ADAMTS14: variants seen among roughly 807,000 people sequenced by gnomAD.
The protein encoded by ADAMTS14 is ADAM metallopeptidase with thrombospondin type 1 motif 14.
ADAMTS14 carries 100 observed loss-of-function variants against 128.6 expected under a neutral mutation model. That is an observed-to-expected ratio of 0.78 (90% CI 0.66 to 0.92). The LOEUF (loss-of-function observed/expected upper bound fraction) is 0.92. ADAMTS14 is among the 40% of genes least tolerant of loss of function. The pLI is 0.00. For synonymous variants in ADAMTS14, 665 were observed against 653.8 expected, an observed-to-expected ratio of 1.02 and a Z score of -0.26; for missense variants, 1,562 against 1,658.6, an observed-to-expected ratio of 0.94 and a Z score of 1.01.
At chr10:70,734,424 C>A (rs1165628800) in intron 8 of ADAMTS14, among the ~76,000 whole-genome samples, 1 of 152,238 alleles carries the variant, frequency 6.6e-6, no homozygotes, top group Non-Finnish European at 1.5e-5. Context: ...CTCCTAACGA[C>A]CCCTTTGAGC....
intron 3 of ADAMTS14, among the ~76,000 whole-genome samples, chr10:70,703,376 G>C (rs901212824): frequency 6.6e-6 from 1 of 152,254 alleles, no homozygotes; most frequent in African/African-American, 2.4e-5. Context: ...CCTTGTGCCA[G>C]CTCCCTATGG....
At chr10:70,751,958 C>T (rs562757120) in intron 17 of ADAMTS14, 137 bp from the exon 18 acceptor site, 366 of 1,293,000 alleles carry the variant, frequency 2.8e-4, no homozygotes, top group Admixed American at 4.7e-4. Context: ...CAGAAAGTGA[C>T]GTGGGCAGGC....
At chr10:70,678,959 C>G (rs1268809686) in intron 2 of ADAMTS14, among the ~76,000 whole-genome samples, 1 of 152,084 alleles carries the variant, frequency 6.6e-6, no homozygotes, top group Non-Finnish European at 1.5e-5. Flanking sequence ...TACTTCCCAC[C>G]CACTGTTATG....
At position 70,753,792 on chromosome 10, in the gene ADAMTS14, G is replaced by A. The variant is rs747851446; in HGVS notation, c.2730-8G>A. On this transcript the variant is annotated splice_region_variant and splice_polypyrimidine_tract_variant and intron_variant, in intron 18 of 21. Coordinates refer to ENST00000373207, the MANE Select transcript of ADAMTS14 (RefSeq NM_080722.4). ...GTCTCACCTCCTCTCCTTTCACCCT[G>A]TTTCCAGGTGGGTGACGGAGGAGTG... The A allele has an allele frequency of 6.4e-7, 1 of 1,562,438 alleles. No individual in the cohort carries two copies. The highest frequency in any genetic ancestry group is 8.7e-7 in the Non-Finnish European group (1 of 1,151,812).
At chr10:70,716,591 C>A (rs1358912818) in intron 4 of ADAMTS14, among the ~76,000 whole-genome samples, 1 of 152,192 alleles carries the variant, frequency 6.6e-6, no homozygotes, top group Non-Finnish European at 1.5e-5. Context: ...GGCTGGGATG[C>A]TTGACGCTCG....
At chr10:70,680,040 G>C (rs1243238916) in intron 2 of ADAMTS14, among the ~76,000 whole-genome samples, 2 of 152,192 alleles carry the variant, frequency 1.3e-5, no homozygotes, top group Non-Finnish European at 2.9e-5. Context: ...ACAATTCTGA[G>C]AATATACTAA....
rs944984144 is a variant in ADAMTS14 at position 70,753,941 on chromosome 10, T to C, written c.2871T>C (p.Pro957=). 4 of 1,587,138 alleles carry C rather than the reference T, an allele frequency of 2.5e-6. No individual in the cohort carries two copies. The highest frequency in any genetic ancestry group is 3.6e-5 in the Admixed American group (2 of 56,060). Residue 957 remains proline, a synonymous_variant, in exon 19 of 22, where the codon CCT becomes CCC. Coordinates refer to ENST00000373207, the MANE Select transcript of ADAMTS14 (RefSeq NM_080722.4). ...CCAAAGCCTGCGCCGGGGACCGGCC[T>C]GAGGCCCGACGGCCCTGTCTCCGAG... ...MPAKACAGDR[P]EARRPCLRVP...
intron 21 of ADAMTS14, among the ~76,000 whole-genome samples, chr10:70,759,454 G>A (rs1456497659): frequency 6.6e-6 from 1 of 152,140 alleles, no homozygotes; most frequent in Non-Finnish European, 1.5e-5. Flanking sequence ...AGAAAGGTGT[G>A]ATATTTTGGG....
rs556530433 is a variant in ADAMTS14 at position 70,718,053 on chromosome 10, G to T, written c.870+9275G>T. The stretch of plus-strand genomic sequence containing the variant: ...TGGCTGTCAGATCAGGGCCTTGGTG[G>T]CCTCAGCCTGGAAGGGTGGCATTTT... On this transcript the variant is annotated intron_variant, in intron 4 of 21. Transcript: ENST00000373207. 2.6e-5 allele frequency among the ~76,000 whole-genome samples: 4 copies of T among 152,352 alleles called. No homozygotes were observed. In the East Asian group the frequency reaches 5.8e-4, roughly 22 times the overall value.
rs574756324 is a variant in ADAMTS14 at position 70,741,208 on chromosome 10, G to T, written c.1924+46G>T. The T allele has an allele frequency of 3.8e-6, 6 of 1,593,354 alleles. No individual in the cohort carries two copies. In the Middle Eastern group the frequency reaches 7.4e-4, roughly 196 times the overall value. On this transcript the variant is annotated intron_variant, in intron 12 of 21. Coordinates refer to ENST00000373207, the MANE Select transcript of ADAMTS14 (RefSeq NM_080722.4). Reference sequence around the variant, plus strand: ...TCCCACTCCATGTCCTTAGGCATCTGCGGGGGCTGTGTGTGCCCAGGCAGG... The same window carrying T: ...TCCCACTCCATGTCCTTAGGCATCTTCGGGGGCTGTGTGTGCCCAGGCAGG...
At position 70,691,487 on chromosome 10, in the gene ADAMTS14, T is replaced by TAAAAA. The variant is rs11373533; in HGVS notation, c.523-10807_523-10803dup. Among the ~76,000 whole-genome samples the TAAAAA allele has an allele frequency of 1.0e-4, 9 of 86,696 alleles. No individual in the cohort carries two copies. In the East Asian group the frequency reaches 1.3e-3, roughly 12 times the overall value. 56.9% of individuals were successfully genotyped at this position (86,696 alleles called of 152,430 possible). On this transcript the variant is annotated intron_variant, in intron 2 of 21. Coordinates refer to ENST00000373207, the MANE Select transcript of ADAMTS14 (RefSeq NM_080722.4). Reference sequence around the variant, plus strand: ...GCCTGGGGACAGAGTGAGACCCTGTTAAAAAAAAAAAAAAAAAAAAAACAA... The same window carrying TAAAAA: ...GCCTGGGGACAGAGTGAGACCCTGTTAAAAAAAAAAAAAAAAAAAAAAAAAAACAA...
At chr10:70,751,318 C>T (rs892839263) in intron 16 of ADAMTS14, among the ~76,000 whole-genome samples, 160 bp from the exon 17 acceptor site, 1 of 152,124 alleles carries the variant, frequency 6.6e-6, no homozygotes, top group South Asian at 2.1e-4. Flanking sequence ...GGTCTGAATC[C>T]AACCCCCTAC....
chr10:70,739,047 G>C, intron 11 of ADAMTS14, 57 bp downstream of exon 11: 2 of 1,545,812 alleles, frequency 1.3e-6, no homozygotes. Flanking sequence ...GGGCGGAGGG[G>C]CTTGGAGGGG....
At chr10:70,752,031 G>A (rs1589340340) in intron 17 of ADAMTS14, 64 bp from the exon 18 acceptor site, 1 of 1,563,562 alleles carries the variant, frequency 6.4e-7, no homozygotes, top group East Asian at 2.2e-5. Flanking sequence ...CTGCCCCTGA[G>A]GCCCCACCAG....
chr10:70,708,996 C>T (rs1474797424), intron 4 of ADAMTS14, among the ~76,000 whole-genome samples: 2 of 152,204 alleles, frequency 1.3e-5, no homozygotes, highest in Non-Finnish European at 2.9e-5. Context: ...GACTTGCGTC[C>T]CAGGCTGTGG....
Position 70,752,123 on chromosome 10 carries a change from G to A in ADAMTS14, c.2625G>A (p.Arg875=), listed in dbSNP as rs1479840778. 2 of 1,613,190 alleles carry A rather than the reference G, an allele frequency of 1.2e-6. No homozygotes were observed. Among genetic ancestry groups the A allele is most frequent in the Admixed American group, 1.7e-5 (1 of 60,014 alleles). ...TCCAGTTCACCAAATACGGCTGCCG[G>A]CGCAGACGAGACCACCACATGGTGC... ...GGIQFTKYGC[R]RRRDHHMVQR... is the part of the protein sequence containing the mutation. The change falls in exon 18 of 22, where the codon CGG becomes CGA. Residue 875 remains arginine (R), a synonymous_variant. Coordinates refer to ENST00000373207, the MANE Select transcript of ADAMTS14 (RefSeq NM_080722.4).
chr10:70,695,305 C>T (rs991990389), intron 2 of ADAMTS14, among the ~76,000 whole-genome samples: 2 of 152,164 alleles, frequency 1.3e-5, no homozygotes, highest in Non-Finnish European at 2.9e-5. Flanking sequence ...TGCACCCCCA[C>T]CTTACCCCCA....
intron 13 of ADAMTS14, 22 bp downstream of exon 13, chr10:70,743,703 C>G (rs767819960): frequency 1.3e-6 from 2 of 1,550,056 alleles, no homozygotes; most frequent in Non-Finnish European, 1.7e-6. Context: ...CCCAGCCACC[C>G]CGACTACCGG....
chr10:70,720,333 T>A (rs1237061555), intron 4 of ADAMTS14, among the ~76,000 whole-genome samples: 4 of 152,176 alleles, frequency 2.6e-5, no homozygotes, highest in African/African-American at 9.7e-5. Flanking sequence ...CTCAGCACTT[T>A]CCTTCCACTC....
Sources: allele counts gnomAD v4.1 joint callset (sites outside exome capture counted in the v4.1 genomes callset), GRCh38; gene constraint gnomAD v4.1.1; transcripts MANE v1.5; gene names NCBI Gene and HGNC (gene_info 2026-07-23, HGNC 2026-07-21).